Variants in TRAPPC9 observed in about 807,000 individuals in gnomAD.
The protein encoded by TRAPPC9 is IKK2 binding protein.
TRAPPC9 carries 83 observed loss-of-function variants against 124.0 expected under a neutral mutation model. The ratio of observed to expected loss-of-function variants is 0.67; its 90% CI spans 0.56 to 0.80. The LOEUF is 0.80. Ranked by LOEUF, TRAPPC9 falls within the 30% of genes least tolerant of loss-of-function variation. TRAPPC9 has a pLI of 0.00. For missense variants in TRAPPC9, 1,302 were observed against 1,508.3 expected, an observed-to-expected ratio of 0.86 and a Z score of 2.27; for synonymous variants, 638 against 617.5, an observed-to-expected ratio of 1.03 and a Z score of -0.49.
Position 140,279,167 on chromosome 8 carries a change from A to G in TRAPPC9, c.2115-3346T>C, listed in dbSNP as rs968832376. Among the ~76,000 whole-genome samples the G allele has an allele frequency of 9.2e-5, 14 of 152,146 alleles. 1 individual carries two copies. Among genetic ancestry groups the G allele is most frequent in the Admixed American group, 8.5e-4 (13 of 15,274 alleles). The stretch of plus-strand genomic sequence containing the variant: ...TTCCCGAACCCCAAAGACAGGGTCA[A>G]CCTCTACTTTGTTTTTATATTACAG... On this transcript the variant is annotated intron_variant, in intron 14 of 22. Transcript: ENST00000438773.
chr8:140,126,306 T>A (rs1431522210), intron 17 of TRAPPC9, among the ~76,000 whole-genome samples: 1 of 146,836 alleles, frequency 6.8e-6, no homozygotes, highest in Non-Finnish European at 1.5e-5. Context: ...ATCTGGAGCA[T>A]CTTAACCGTG....
chr8:140,030,529 A>C (rs1587537615), intron 17 of TRAPPC9, among the ~76,000 whole-genome samples: 1 of 152,236 alleles, frequency 6.6e-6, no homozygotes, highest in Non-Finnish European at 1.5e-5. Flanking sequence ...ATAAAAACAC[A>C]TATCTACACA....
intron 21 of TRAPPC9, among the ~76,000 whole-genome samples, chr8:139,837,096 G>C (rs1455269281): frequency 6.6e-6 from 1 of 152,094 alleles, no homozygotes; most frequent in Non-Finnish European, 1.5e-5. Context: ...TTAGTTCAGG[G>C]AACAAACCAG....
chr8:140,038,677 C>A (rs955306184), intron 17 of TRAPPC9, among the ~76,000 whole-genome samples: 2 of 152,190 alleles, frequency 1.3e-5, no homozygotes, highest in African/African-American at 4.8e-5. Flanking sequence ...TCAGGCATGA[C>A]GGCGGCCAGG....
chr8:140,043,157 G>A (rs569532563), intron 17 of TRAPPC9, among the ~76,000 whole-genome samples: 1 of 152,336 alleles, frequency 6.6e-6, no homozygotes, highest in South Asian at 2.1e-4. Context: ...TCTATGTGCA[G>A]TAAGAAAGGC....
At chr8:140,435,038 G>GA in intron 4 of TRAPPC9, 74 bp downstream of exon 4, 1 of 1,609,012 alleles carries the variant, frequency 6.2e-7, no homozygotes. Flanking sequence ...TAACTCAAAG[G>GA]AAAAAGTAAC....
chr8:139,895,165 C>T lies in TRAPPC9; in HGVS notation c.2965-9196G>A, dbSNP rs146186064. 2.6e-5 allele frequency among the ~76,000 whole-genome samples: 4 copies of T among 152,308 alleles called. No individual in the cohort carries two copies. In the East Asian group the frequency reaches 5.8e-4, roughly 22 times the overall value. ...GACATCTCCAGAGGAAAAGGACCTG[C>T]TCAAGAGCCCGTCTGCCAGACTGGT... On this transcript the variant is annotated intron_variant, in intron 20 of 22. Transcript: ENST00000438773.
intron 9 of TRAPPC9, among the ~76,000 whole-genome samples, chr8:140,343,717 C>T (rs567865999): frequency 6.6e-6 from 1 of 152,322 alleles, no homozygotes; most frequent in Non-Finnish European, 1.5e-5. Flanking sequence ...CTGTCCTGGC[C>T]TCCCCGGGGT....
At chr8:140,436,672 G>A (rs901263868) in intron 3 of TRAPPC9, among the ~76,000 whole-genome samples, 10 of 152,132 alleles carry the variant, frequency 6.6e-5, no homozygotes, top group African/African-American at 1.2e-4. Context: ...GTCCAGCGCC[G>A]CATGGGGAAG....
chr8:140,259,587 G>A (rs1357949962), intron 15 of TRAPPC9, among the ~76,000 whole-genome samples: 5 of 152,172 alleles, frequency 3.3e-5, no homozygotes, highest in East Asian at 1.9e-4. Flanking sequence ...ACAAGTTGAC[G>A]GAAGTCAAAT....
At chr8:140,344,304 C>T (rs995574395) in intron 9 of TRAPPC9, among the ~76,000 whole-genome samples, 1 of 152,162 alleles carries the variant, frequency 6.6e-6, no homozygotes, top group Non-Finnish European at 1.5e-5. Flanking sequence ...ACCTAGTCTG[C>T]AGTATTTTGT....
rs188403406 is a variant in TRAPPC9, at chr8:140,046,457, C to T, written c.2557-22378G>A. ...GCCGCCGACTCCCTCCCTTTCCTTG[C>T]GCCTTCCTCCCTGTCTCCAGCAGCT... On this transcript the variant is annotated intron_variant, in intron 17 of 22. Transcript: ENST00000438773. Among the ~76,000 whole-genome samples, 227 of 152,356 alleles carry T rather than the reference C, an allele frequency of 1.5e-3. 1 individual carries two copies. The highest frequency in any genetic ancestry group is 4.8e-3 in the African/African-American group (200 of 41,590).
chr8:140,180,251 T>C (rs75748195), intron 17 of TRAPPC9, among the ~76,000 whole-genome samples: 4,716 of 152,050 alleles, frequency 0.031, 101 homozygotes, highest in Non-Finnish European at 0.044. Context: ...CTTCTGTCAT[T>C]TCAATGTGCA....
chr8:140,126,186 G>A (rs907311625), intron 17 of TRAPPC9, among the ~76,000 whole-genome samples: 2 of 152,166 alleles, frequency 1.3e-5, no homozygotes, highest in African/African-American at 4.8e-5. Context: ...GAAACCAGAT[G>A]AGGGGCAAAG....
intron 10 of TRAPPC9, among the ~76,000 whole-genome samples, chr8:140,310,932 G>A (rs1369417754): frequency 6.6e-6 from 1 of 151,988 alleles, no homozygotes; most frequent in Non-Finnish European, 1.5e-5. Context: ...AAGACGATGT[G>A]ATCAGACTGG....
intron 19 of TRAPPC9, among the ~76,000 whole-genome samples, chr8:139,947,463 T>C (rs776510740): frequency 6.6e-6 from 1 of 152,248 alleles, no homozygotes; most frequent in Non-Finnish European, 1.5e-5. Context: ...TTGTTATATA[T>C]GCCAATATCT....
intron 7 of TRAPPC9, among the ~76,000 whole-genome samples, chr8:140,395,258 TTACTC>T (rs1255144109): frequency 6.6e-6 from 1 of 152,196 alleles, no homozygotes; most frequent in Non-Finnish European, 1.5e-5. Flanking sequence ...TTTATGGGCT[TTACTC>T]TGTTCTGGTC....
rs1826418439 is a variant in TRAPPC9 at position 139,837,202 on chromosome 8, G to C, written c.3055+48677C>G. Among the ~76,000 whole-genome samples, 4 of 152,300 alleles carry C rather than the reference G, an allele frequency of 2.6e-5. No individual in the cohort carries two copies. The South Asian group carries it at 8.3e-4, about 32-fold the overall frequency. ...GGACTACGGTTCTTACCATCACCGT[G>C]ACACACATGCAAGAGCCCTCCTGCT... On this transcript the variant is annotated intron_variant, in intron 21 of 22. Coordinates refer to ENST00000438773, the MANE Select transcript of TRAPPC9 (RefSeq NM_001160372.4).
At chr8:140,142,165 C>T (rs1325717884) in intron 17 of TRAPPC9, among the ~76,000 whole-genome samples, 1 of 152,224 alleles carries the variant, frequency 6.6e-6, no homozygotes, top group Non-Finnish European at 1.5e-5. Context: ...GGAAAGGTGC[C>T]TAAAAATAGC....
Sources: gnomAD v4.1 joint callset for allele counts (sites outside exome capture counted in the v4.1 genomes callset) on GRCh38, gnomAD v4.1.1 for gene constraint, MANE v1.5 for transcripts, NCBI Gene and HGNC (gene_info 2026-07-23, HGNC 2026-07-21) for gene names.